Variants in DCC observed in about 807,000 individuals in gnomAD.
The protein encoded by DCC is DCC netrin 1 receptor.
In DCC, 58 loss-of-function variants were observed where a neutral mutation model predicts 172.5. That is an observed-to-expected ratio of 0.34 (90% CI 0.27 to 0.42). DCC has a LOEUF of 0.42. Ranked by LOEUF, DCC falls within the 10% of genes least tolerant of loss-of-function variation. DCC has a pLI of 1.00. For missense variants in DCC, 1,740 were observed against 1,791.0 expected, an observed-to-expected ratio of 0.97 and a Z score of 0.51; for synonymous variants, 709 against 644.5, an observed-to-expected ratio of 1.10 and a Z score of -1.52.
intron 12 of DCC, among the ~76,000 whole-genome samples, chr18:53,253,282 T>G (rs1342230588): frequency 6.6e-6 from 1 of 152,026 alleles, no homozygotes; most frequent in Non-Finnish European, 1.5e-5. Flanking sequence ...TATTAAAAGC[T>G]TATTTTATGC....
At chr18:53,467,751 A>T in intron 24 of DCC, 143 bp from the exon 25 acceptor site, 1 of 742,098 alleles carries the variant, frequency 1.3e-6, no homozygotes, top group South Asian at 1.4e-5. Context: ...TTGTACAATG[A>T]AATAGATTCA....
chr18:52,966,050 A>G (rs1440846880), intron 5 of DCC, among the ~76,000 whole-genome samples: 5 of 152,162 alleles, frequency 3.3e-5, no homozygotes, highest in Non-Finnish European at 7.4e-5. Flanking sequence ...CTCCATTGCT[A>G]AGAACTTGAA....
chr18:52,605,066 G>T (rs545668506), intron 1 of DCC, among the ~76,000 whole-genome samples: 1 of 152,126 alleles, frequency 6.6e-6, no homozygotes, highest in East Asian at 1.9e-4. Flanking sequence ...CTATTTAATA[G>T]CTATATCATG....
intron 1 of DCC, among the ~76,000 whole-genome samples, chr18:52,741,734 A>G (rs1257616725): frequency 6.6e-6 from 1 of 151,932 alleles, no homozygotes; most frequent in Non-Finnish European, 1.5e-5. Context: ...GCTTGCTGGA[A>G]CTCTCTCATT....
chr18:53,025,500 C>T (rs1008656664), intron 5 of DCC, among the ~76,000 whole-genome samples: 2 of 152,022 alleles, frequency 1.3e-5, no homozygotes, highest in African/African-American at 2.4e-5. Flanking sequence ...AGGCGCAGCC[C>T]ACTAGTAAAC....
rs537171779 is a variant in DCC at position 53,514,693 on chromosome 18, ATC to A, written c.4112-11922_4112-11921del. Among the ~76,000 whole-genome samples the A allele has an allele frequency of 1.3e-3, 192 of 152,064 alleles. 2 individuals are homozygous for A. The highest frequency in any genetic ancestry group is 6.8e-3 in the Middle Eastern group (2 of 294). The stretch of plus-strand genomic sequence containing the variant: ...CACCTCTACACAAATAAACTAGAAA[ATC>A]TAGAAGAAATGGATAAATTCCTCAA... On this transcript the variant is annotated intron_variant, in intron 27 of 28. Transcript: ENST00000442544.
chr18:52,906,793 A>G (rs2039890068), intron 3 of DCC, among the ~76,000 whole-genome samples: 1 of 151,922 alleles, frequency 6.6e-6, no homozygotes, highest in African/African-American at 2.4e-5. Context: ...CATATATCAT[A>G]TATCTATAGT....
chr18:53,316,545 T>C (rs1025399901), intron 13 of DCC, among the ~76,000 whole-genome samples: 1 of 152,178 alleles, frequency 6.6e-6, no homozygotes, highest in Non-Finnish European at 1.5e-5. Context: ...AAATTACTTT[T>C]GGCAGTATGG....
chr18:52,495,615 A>C (rs76337859), intron 1 of DCC, among the ~76,000 whole-genome samples: 9,250 of 152,178 alleles, frequency 0.061, 350 homozygotes, highest in East Asian at 0.084. Flanking sequence ...AGGCTACTCC[A>C]TCTTGCCCGA....
intron 1 of DCC, among the ~76,000 whole-genome samples, chr18:52,534,366 T>C (rs2032232203): frequency 6.6e-6 from 1 of 152,076 alleles, no homozygotes; most frequent in South Asian, 2.1e-4. Flanking sequence ...CAAGTCAGTT[T>C]TGAGAACAAA....
intron 15 of DCC, among the ~76,000 whole-genome samples, chr18:53,350,530 T>G (rs1372486341): frequency 6.6e-6 from 1 of 152,114 alleles, no homozygotes; most frequent in Non-Finnish European, 1.5e-5. Context: ...AAATATGGAA[T>G]TAAGTGGAAC....
intron 2 of DCC, among the ~76,000 whole-genome samples, chr18:52,854,158 A>C (rs1229221719): frequency 6.6e-6 from 1 of 152,210 alleles, no homozygotes; most frequent in Non-Finnish European, 1.5e-5. Context: ...ATCCCAGACC[A>C]CTGGAAAGCA....
chr18:53,236,120 C>T (rs7231350), intron 12 of DCC, among the ~76,000 whole-genome samples: 4,716 of 151,896 alleles, frequency 0.031, 258 homozygotes, highest in African/African-American at 0.11. Flanking sequence ...ACTACTGAAT[C>T]AGAATTTAGA....
intron 3 of DCC, among the ~76,000 whole-genome samples, chr18:52,918,031 T>C (rs956908492): frequency 2.0e-5 from 3 of 152,190 alleles, no homozygotes; most frequent in Non-Finnish European, 4.4e-5. Context: ...ATATGTTTTC[T>C]AGGACCCACG....
At chr18:53,114,421 T>C (rs975589450) in intron 7 of DCC, among the ~76,000 whole-genome samples, 1 of 151,602 alleles carries the variant, frequency 6.6e-6, no homozygotes, top group African/African-American at 2.4e-5. Flanking sequence ...TTAAGAGAAA[T>C]CACATAAAAA....
At chr18:52,822,125 A>G (rs551519565) in intron 2 of DCC, among the ~76,000 whole-genome samples, 170 of 152,312 alleles carry the variant, frequency 1.1e-3, no homozygotes, top group African/African-American at 4.0e-3. Context: ...TTGACTTAGG[A>G]TAAGTAAGCA....
At chr18:53,292,726 A>C (rs2057021053) in intron 12 of DCC, among the ~76,000 whole-genome samples, 1 of 152,124 alleles carries the variant, frequency 6.6e-6, no homozygotes, top group Non-Finnish European at 1.5e-5. Flanking sequence ...CAAAAAAACA[A>C]ATCTTTGCAC....
At chr18:52,613,224 T>TTTTG (rs575521225) in intron 1 of DCC, among the ~76,000 whole-genome samples, 1 of 152,102 alleles carries the variant, frequency 6.6e-6, no homozygotes, top group Non-Finnish European at 1.5e-5. Flanking sequence ...TTTGTCTTGT[T>TTTTG]TTTGTTTGTT....
At chr18:53,417,891 T>A (rs1910412491) in intron 21 of DCC, among the ~76,000 whole-genome samples, 1 of 152,162 alleles carries the variant, frequency 6.6e-6, no homozygotes. Context: ...GTAAATTGAT[T>A]ATTTTATGAA....
Sources: gnomAD v4.1 joint callset for allele counts (sites outside exome capture counted in the v4.1 genomes callset) on GRCh38, gnomAD v4.1.1 for gene constraint, MANE v1.5 for transcripts, NCBI Gene and HGNC (gene_info 2026-07-23, HGNC 2026-07-21) for gene names.